Variants in MDGA1 observed in about 807,000 individuals in gnomAD.
The protein encoded by MDGA1 is MAM domain-containing glycosylphosphatidylinositol anchor protein 1.
A neutral mutation model predicts 101.5 loss-of-function variants in MDGA1; 54 were observed. The ratio of observed to expected loss-of-function variants is 0.53; its 90% CI spans 0.43 to 0.67. The LOEUF (loss-of-function observed/expected upper bound fraction) is 0.67. Ranked by LOEUF, MDGA1 falls within the 30% of genes least tolerant of loss-of-function variation. MDGA1 has a pLI of 0.00. For missense variants in MDGA1, 1,083 were observed against 1,323.8 expected (o/e 0.82, Z 2.82); for synonymous variants, 533 against 558.3 (o/e 0.95, Z 0.64).
At chr6:37,649,878 T>C (rs1274991813) in intron 8 of MDGA1, 11 of 706,434 alleles carry the variant, frequency 1.6e-5, no homozygotes, top group Non-Finnish European at 2.8e-5. Context: ...TAATTTTTTT[T>C]TTGTTCACCG....
At chr6:37,690,190 C>T (rs1379033282) in intron 1 of MDGA1, among the ~76,000 whole-genome samples, 3 of 152,136 alleles carry the variant, frequency 2.0e-5, no homozygotes, top group African/African-American at 7.2e-5. Flanking sequence ...CTGCAGATGC[C>T]CACAAAGCTC....
At chr6:37,680,257 A>T (rs201977020) in intron 1 of MDGA1, among the ~76,000 whole-genome samples, 1 of 152,212 alleles carries the variant, frequency 6.6e-6, no homozygotes, top group East Asian at 1.9e-4. Flanking sequence ...ACCTCTGTGG[A>T]GGCCTGTGCC....
At chr6:37,648,876 G>A in intron 9 of MDGA1, 106 bp downstream of exon 9, 1 of 1,436,392 alleles carries the variant, frequency 7.0e-7, no homozygotes, top group Non-Finnish European at 9.1e-7. Context: ...GGGCTTCAAG[G>A]GGGCCAGCAG....
At chr6:37,651,933 C>A (rs1172957200) in intron 7 of MDGA1, 78 bp downstream of exon 7, 10 of 1,254,784 alleles carry the variant, frequency 8.0e-6, no homozygotes, top group Non-Finnish European at 9.7e-6. Flanking sequence ...TTTCCCAAGC[C>A]GTTGCCTCCC....
chr6:37,637,535 C>T (rs542035251), intron 16 of MDGA1, 76 bp from the exon 17 acceptor site: 17,000 of 1,307,246 alleles, frequency 0.013, 136 homozygotes, highest in Non-Finnish European at 0.017. Flanking sequence ...GCAGGCAGGT[C>T]GGCACTGTTA....
At chr6:37,686,989 C>T (rs1482703148) in intron 1 of MDGA1, among the ~76,000 whole-genome samples, 1 of 152,148 alleles carries the variant, frequency 6.6e-6, no homozygotes, top group Non-Finnish European at 1.5e-5. Context: ...CAGGGAATGC[C>T]TTCAGAAACC....
At position 37,633,801 on chromosome 6, in the gene MDGA1, C is replaced by T. The variant is rs1371805625; in HGVS notation, c.*3567G>A. The stretch of plus-strand genomic sequence containing the variant: ...TGGCAGGAGACCTCAGGGGCAGTGA[C>T]AAGCGGTGTGACACCCCCAGGGCTG... On this transcript the variant is annotated 3_prime_UTR_variant, in exon 17 of 17. Transcript: ENST00000434837. The T allele has an allele frequency of 6.6e-6, 1 of 152,362 alleles. No homozygotes were observed. The highest frequency in any genetic ancestry group is 6.5e-5 in the Admixed American group (1 of 15,280). 9.4% of individuals were successfully genotyped at this position (152,362 alleles called of 1,614,324 possible). A position where few individuals can be genotyped will look rare whatever the true frequency, so the allele number is the denominator to read the frequency against.
chr6:37,679,385 G>T (rs1308123114), intron 1 of MDGA1, among the ~76,000 whole-genome samples: 2 of 152,160 alleles, frequency 1.3e-5, no homozygotes, highest in East Asian at 3.8e-4. Context: ...ATGGGGTCTG[G>T]AATGGACAGT....
chr6:37,643,979 A>T, intron 13 of MDGA1, 36 bp from the exon 14 acceptor site: 1 of 1,610,386 alleles, frequency 6.2e-7, no homozygotes, highest in Non-Finnish European at 8.5e-7. Context: ...ACAGCCCCCA[A>T]GACAGCCAGG....
chr6:37,679,364 T>A (rs1420865965), intron 1 of MDGA1, among the ~76,000 whole-genome samples: 1 of 152,002 alleles, frequency 6.6e-6, no homozygotes, highest in East Asian at 1.9e-4. Context: ...AGGCTGCCCC[T>A]TGGGAGGAAA....
rs1415657772 is a variant in MDGA1, at chr6:37,635,560, G to T, written c.*1808C>A. 2.5e-6 allele frequency: 1 copy of T among 398,568 alleles called. No individual in the cohort carries two copies. The highest frequency in any genetic ancestry group is 4.4e-6 in the Non-Finnish European group (1 of 226,106). 24.7% of individuals were successfully genotyped at this position (398,568 alleles called of 1,614,324 possible). On this transcript the variant is annotated 3_prime_UTR_variant, in exon 17 of 17. Transcript: ENST00000434837. ...CTGGCCCGGCCACCCACCAGCTGTTGGTGATAATGATCACACAGGCCTGGC... is the reference window on the plus strand; with the variant it reads ...CTGGCCCGGCCACCCACCAGCTGTTTGTGATAATGATCACACAGGCCTGGC...
intron 11 of MDGA1, 32 bp downstream of exon 11, chr6:37,646,166 C>A: frequency 1.9e-6 from 3 of 1,559,016 alleles, no homozygotes; most frequent in Non-Finnish European, 2.6e-6. Flanking sequence ...TGAGATGGGC[C>A]CATCCTTCCT....
intron 1 of MDGA1, among the ~76,000 whole-genome samples, chr6:37,664,694 C>T (rs9470654): frequency 2.0e-5 from 3 of 148,250 alleles, no homozygotes; most frequent in Non-Finnish European, 4.4e-5. Context: ...CAGGCTGAGA[C>T]TAAGCTTCCT....
intron 13 of MDGA1, 128 bp from the exon 14 acceptor site, chr6:37,644,071 C>T: frequency 3.6e-6 from 4 of 1,100,596 alleles, no homozygotes; most frequent in Non-Finnish European, 4.9e-6. Flanking sequence ...CCTGCCTCAC[C>T]CCACGCATCC....
At chr6:37,695,857 G>A (rs1437436224) in intron 1 of MDGA1, among the ~76,000 whole-genome samples, 2 of 152,222 alleles carry the variant, frequency 1.3e-5, no homozygotes, top group African/African-American at 4.8e-5. Flanking sequence ...TTTGTGCTGT[G>A]GGGTTAAGGC....
At chr6:37,678,472 C>T (rs1762026596) in intron 1 of MDGA1, among the ~76,000 whole-genome samples, 1 of 152,124 alleles carries the variant, frequency 6.6e-6, no homozygotes, top group African/African-American at 2.4e-5. Context: ...CAGAGGATCT[C>T]ATCTCTCCTC....
chr6:37,642,337 AATTTTTGT>A (rs1056000329), intron 14 of MDGA1, among the ~76,000 whole-genome samples: 1 of 151,762 alleles, frequency 6.6e-6, no homozygotes, highest in Non-Finnish European at 1.5e-5. Flanking sequence ...GAGCCTGGCT[AATTTTTGT>A]ATTTTTAGTA....
At chr6:37,672,295 A>AAT (rs1293614173) in intron 1 of MDGA1, among the ~76,000 whole-genome samples, 2 of 151,828 alleles carry the variant, frequency 1.3e-5, no homozygotes, top group Admixed American at 1.3e-4. Context: ...TAAAAAAAAA[A>AAT]AATTTTAATG....
Position 37,650,205 on chromosome 6 carries a change from T to TC in MDGA1, c.1512dup (p.Ser505GlufsTer16). 6.2e-7 allele frequency: 1 copy of TC among 1,612,786 alleles called. No individual in the cohort carries two copies. Among genetic ancestry groups the TC allele is most frequent in the Non-Finnish European group, 8.5e-7 (1 of 1,179,724 alleles). On this transcript the variant is annotated frameshift_variant, in exon 8 of 17. Transcript: ENST00000434837. LOFTEE classifies it high-confidence loss of function. ...CGGTAGGTCCCGCTCATGTCTCGGC[T>TC]CACTCGCTCCAGCCGCAGCTTCCCG...
Sources: gnomAD v4.1 joint callset for allele counts (sites outside exome capture counted in the v4.1 genomes callset) on GRCh38, gnomAD v4.1.1 for gene constraint, MANE v1.5 for transcripts, NCBI Gene and HGNC (gene_info 2026-07-23, HGNC 2026-07-21) for gene names.